Variants in CPED1 observed in about 807,000 individuals in gnomAD.
CPED1 encodes the protein cadherin like and PC-esterase domain containing 1.
Under a neutral mutation model 128.2 loss-of-function variants are expected in CPED1, and 114 were observed. That is an observed-to-expected ratio of 0.89 (90% CI 0.76 to 1.04). The LOEUF (loss-of-function observed/expected upper bound fraction) is 1.04, where lower values mean the gene tolerates loss of function less well. Ranked by LOEUF, CPED1 falls within the 50% of genes least tolerant of loss-of-function variation. The probability of loss-of-function intolerance (pLI) is 0.00; values close to 1 mark genes in which losing one functional copy is unlikely to be tolerated. For synonymous variants in CPED1, 462 were observed against 426.7 expected (o/e 1.08, Z -1.02); for missense variants, 1,211 against 1,207.1 (o/e 1.00, Z -0.05).
intron 4 of CPED1, among the ~76,000 whole-genome samples, chr7:121,047,717 T>TCTTCTTCTTCTTCTTCTTC (rs1276119777): frequency 6.7e-5 from 6 of 88,966 alleles, no homozygotes; most frequent in East Asian, 2.9e-4. Context: ...TTCTTCTTCT[T>TCTTCTTCTTCTTCTTCTTC]TTTTTTTTTT....
Position 121,133,825 on chromosome 7 carries a change from A to G in CPED1, c.1580A>G (p.Asn527Ser). Residue 527 changes from asparagine to serine, a missense_variant and splice_region_variant, in exon 13 of 23, where the codon AAT becomes AGT. Asn to Ser is a conservative substitution (Grantham distance 46). Transcript: ENST00000310396. ...KKTQPHPLEW[N>S]SFTEDKNIEK... ...GTTGTTTGGCATTGCATTTGCAGGA[A>G]TTCTTTCACAGAAGATAAGAACATT... is the stretch of plus-strand genomic sequence containing the variant. The G allele has an allele frequency of 1.9e-6, 3 of 1,595,826 alleles. No individual in the cohort carries two copies. Among genetic ancestry groups the G allele is most frequent in the Non-Finnish European group, 2.6e-6 (3 of 1,170,390 alleles).
At chr7:121,015,170 T>C (rs1290283491) in intron 2 of CPED1, among the ~76,000 whole-genome samples, 2 of 152,352 alleles carry the variant, frequency 1.3e-5, no homozygotes, top group Non-Finnish European at 1.5e-5. Context: ...TGAGAGAAAC[T>C]GCAGCACTGT....
At chr7:121,204,689 G>T (rs532864241) in intron 16 of CPED1, among the ~76,000 whole-genome samples, 2 of 152,124 alleles carry the variant, frequency 1.3e-5, no homozygotes, top group Admixed American at 6.6e-5. Context: ...TACTAGTTAA[G>T]AGTGGAAAGA....
intron 5 of CPED1, among the ~76,000 whole-genome samples, chr7:121,070,289 A>C (rs1006949140): frequency 6.6e-6 from 1 of 151,836 alleles, no homozygotes; most frequent in African/African-American, 2.4e-5. Context: ...TCCCAGGTCT[A>C]ATATTCTAAG....
chr7:120,998,553 G>A (rs1213347284), intron 2 of CPED1, among the ~76,000 whole-genome samples: 1 of 152,092 alleles, frequency 6.6e-6, no homozygotes, highest in Admixed American at 6.6e-5. Flanking sequence ...CCTCCTCTCT[G>A]TGGACCCTAT....
chr7:121,089,511 C>T (rs893800421), intron 5 of CPED1, among the ~76,000 whole-genome samples: 1 of 151,930 alleles, frequency 6.6e-6, no homozygotes, highest in African/African-American at 2.4e-5. Flanking sequence ...GAGCCATGAC[C>T]CCTAGTGTTT....
intron 5 of CPED1, 66 bp from the exon 6 acceptor site, chr7:121,097,633 A>C (rs1794730523): frequency 6.3e-7 from 1 of 1,581,560 alleles, no homozygotes; most frequent in Admixed American, 1.7e-5. Context: ...AGCATACTCT[A>C]TTTTCAAAGC....
At chr7:121,004,975 T>C (rs943732598) in intron 2 of CPED1, among the ~76,000 whole-genome samples, 1 of 152,218 alleles carries the variant, frequency 6.6e-6, no homozygotes, top group Admixed American at 6.5e-5. Flanking sequence ...ATATGTTTGC[T>C]CTAGCACTGA....
intron 16 of CPED1, among the ~76,000 whole-genome samples, chr7:121,213,546 A>G (rs1266345703): frequency 2.6e-5 from 4 of 152,024 alleles, no homozygotes; most frequent in African/African-American, 4.8e-5. Context: ...CACAATTTTT[A>G]AAGAGCGAAT....
chr7:121,153,016 TAAC>T (rs1353313828), intron 16 of CPED1, among the ~76,000 whole-genome samples: 1 of 152,170 alleles, frequency 6.6e-6, no homozygotes, highest in Non-Finnish European at 1.5e-5. Flanking sequence ...AAGAATTATT[TAAC>T]AATAAGAGAG....
chr7:121,218,579 CTGT>C (rs1797811423), intron 16 of CPED1, among the ~76,000 whole-genome samples: 1 of 151,972 alleles, frequency 6.6e-6, no homozygotes, highest in African/African-American at 2.4e-5. Context: ...TGGCAAACAT[CTGT>C]TGTTGTTTGG....
intron 5 of CPED1, among the ~76,000 whole-genome samples, chr7:121,079,450 G>C (rs1462230207): frequency 6.6e-6 from 1 of 152,204 alleles, no homozygotes; most frequent in Non-Finnish European, 1.5e-5. Context: ...TCAGCACCAA[G>C]AACTCTGATA....
chr7:121,236,687 C>A, intron 16 of CPED1, 27 bp from the exon 17 acceptor site: 2 of 1,349,856 alleles, frequency 1.5e-6, no homozygotes, highest in South Asian at 1.3e-5. Flanking sequence ...ATTAATACAA[C>A]AACTAATATC....
chr7:121,255,257 A>G (rs563237512), intron 18 of CPED1, among the ~76,000 whole-genome samples: 33 of 152,144 alleles, frequency 2.2e-4, no homozygotes, highest in Non-Finnish European at 4.7e-4. Flanking sequence ...GATTCAATGT[A>G]TGCAAATCAG....
chr7:121,035,533 T>C (rs1437393976), intron 3 of CPED1, among the ~76,000 whole-genome samples: 2 of 151,980 alleles, frequency 1.3e-5, no homozygotes, highest in Admixed American at 1.3e-4. Flanking sequence ...ATAGCTTTGA[T>C]GATTAAAAGA....
intron 5 of CPED1, among the ~76,000 whole-genome samples, chr7:121,079,760 G>C (rs1377024168): frequency 6.6e-6 from 1 of 152,210 alleles, no homozygotes; most frequent in African/African-American, 2.4e-5. Context: ...GAAGACCCCA[G>C]TGTCAAACTG....
intron 7 of CPED1, among the ~76,000 whole-genome samples, chr7:121,122,570 A>G (rs1252712517): frequency 6.6e-6 from 1 of 152,186 alleles, no homozygotes; most frequent in Non-Finnish European, 1.5e-5. Flanking sequence ...AGGCACTGTT[A>G]TTAATCCCAC....
chr7:121,048,754 G>A (rs1223310488), intron 4 of CPED1, among the ~76,000 whole-genome samples: 1 of 152,102 alleles, frequency 6.6e-6, no homozygotes, highest in Non-Finnish European at 1.5e-5. Context: ...GACCAGGCTG[G>A]TCTTGAACTC....
At chr7:121,092,154 C>T (rs1794587855) in intron 5 of CPED1, among the ~76,000 whole-genome samples, 1 of 152,130 alleles carries the variant, frequency 6.6e-6, no homozygotes, top group African/African-American at 2.4e-5. Flanking sequence ...AGCTGTGGAT[C>T]CCTTCCTGGG....
Sources: gnomAD v4.1 joint callset for allele counts (sites outside exome capture counted in the v4.1 genomes callset) on GRCh38, gnomAD v4.1.1 for gene constraint, MANE v1.5 for transcripts, NCBI Gene and HGNC (gene_info 2026-07-23, HGNC 2026-07-21) for gene names.